The following SPTBN1 variants were observed in gnomAD, a reference collection of about 807,000 sequenced individuals.
The protein encoded by SPTBN1 is spectrin beta chain, non-erythrocytic 1.
A neutral mutation model predicts 266.4 loss-of-function variants in SPTBN1; 32 were observed. The observed-to-expected ratio is 0.12, with a 90% CI of 0.09 to 0.16. SPTBN1 has a LOEUF of 0.16. SPTBN1 is among the 10% of genes least tolerant of loss of function. The pLI, the probability that SPTBN1 is intolerant of heterozygous loss-of-function variation, is 1.00. For missense variants in SPTBN1, 2,296 were observed against 3,067.1 expected (o/e 0.75, Z 5.94); for synonymous variants, 1,336 against 1,162.2 (o/e 1.15, Z -3.04).
intron 2 of SPTBN1, among the ~76,000 whole-genome samples, chr2:54,564,295 A>G (rs1156294766): frequency 6.6e-6 from 1 of 152,182 alleles, no homozygotes; most frequent in East Asian, 1.9e-4. Context: ...TTCTTAGGAG[A>G]GTCAGCCTAA....
Position 54,664,545 on chromosome 2 carries a change from C to G in SPTBN1, c.6513C>G (p.Thr2171=). ...SKESSPIPSP[T]SDRKAKTALP... ...AGTCCAGCCCCATCCCCTCCCCGAC[C>G]TCTGATCGTAAAGCCAAGACTGCCC... Residue 2171 remains threonine, a synonymous_variant, in exon 33 of 36, where the codon ACC becomes ACG. Transcript: ENST00000356805. This position sits in a 1 kb window ranked among gnomAD's most constrained non-coding sequence, Gnocchi z 5.6. 1.6e-5 allele frequency: 26 copies of G among 1,614,184 alleles called. No individual in the cohort carries two copies. The highest frequency in any genetic ancestry group is 2.1e-5 in the Non-Finnish European group (25 of 1,180,036).
intron 3 of SPTBN1, among the ~76,000 whole-genome samples, chr2:54,603,003 A>C (rs902011381): frequency 6.6e-6 from 1 of 152,386 alleles, no homozygotes; most frequent in African/African-American, 2.4e-5. Context: ...AACCAGCCAC[A>C]GAACTCCTAC....
chr2:54,616,031 G>C (rs1031546220), intron 4 of SPTBN1, among the ~76,000 whole-genome samples, 176 bp from the exon 5 acceptor site: 3 of 152,214 alleles, frequency 2.0e-5, no homozygotes, highest in Non-Finnish European at 4.4e-5. Flanking sequence ...AGTTTTCGTT[G>C]TGTTTCTGAA....
chr2:54,512,010 C>T (rs974903602), intron 1 of SPTBN1, among the ~76,000 whole-genome samples: 1 of 152,144 alleles, frequency 6.6e-6, no homozygotes, highest in Non-Finnish European at 1.5e-5. Context: ...GTTAGATTCT[C>T]ATAAGGAGCG....
intron 2 of SPTBN1, among the ~76,000 whole-genome samples, chr2:54,537,870 G>T (rs1231643188): frequency 6.6e-6 from 1 of 152,172 alleles, no homozygotes; most frequent in Non-Finnish European, 1.5e-5. Context: ...TTGGGAGAAA[G>T]GCTGTAATTT....
chr2:54,520,165 T>C (rs1670352462), intron 1 of SPTBN1, among the ~76,000 whole-genome samples: 1 of 152,156 alleles, frequency 6.6e-6, no homozygotes, highest in African/African-American at 2.4e-5. Flanking sequence ...TGTTTCTTCA[T>C]AAAACAAAAA....
chr2:54,559,217 C>A (rs996339456), intron 2 of SPTBN1, among the ~76,000 whole-genome samples: 3 of 152,116 alleles, frequency 2.0e-5, no homozygotes, highest in Non-Finnish European at 4.4e-5. Context: ...GTATTTGATT[C>A]CGGGTCGCCT....
rs750959568 is a variant in SPTBN1, at chr2:54,616,204, T to C, written c.475-3T>C. 1 of 1,613,162 alleles carries C rather than the reference T, an allele frequency of 6.2e-7. No homozygotes were observed. Among genetic ancestry groups the C allele is most frequent in the South Asian group, 1.1e-5 (1 of 90,962 alleles). Reference sequence around the variant, plus strand: ...TTGTCTAATATTTCTTTGTAAATCTTAGATCCAGGATATCAGTGTGGAAAC... The same window carrying C: ...TTGTCTAATATTTCTTTGTAAATCTCAGATCCAGGATATCAGTGTGGAAAC... On this transcript the variant is annotated splice_polypyrimidine_tract_variant and splice_region_variant and intron_variant, in intron 4 of 35. Coordinates refer to ENST00000356805, the MANE Select transcript of SPTBN1 (RefSeq NM_003128.3).
intron 34 of SPTBN1, 54 bp from the exon 35 acceptor site, chr2:54,667,550 A>C: frequency 6.4e-7 from 1 of 1,561,876 alleles, no homozygotes; most frequent in Non-Finnish European, 8.8e-7. Context: ...GAGTTGGGGG[A>C]TTTTTATTTC....
chr2:54,621,321 G>A lies in SPTBN1; in HGVS notation c.764-79G>A, dbSNP rs555509918. On this transcript the variant is annotated intron_variant, in intron 7 of 35. Transcript: ENST00000356805. The stretch of plus-strand genomic sequence containing the variant: ...CTGAACTGTTCCATGTTGACCAGCA[G>A]TCGTTGCATTTGTTCCTGCTACCTG... 145 of 981,760 alleles carry A rather than the reference G, an allele frequency of 1.5e-4. No homozygotes were observed. The East Asian group carries it at 3.4e-3, about 23-fold the overall frequency. The allele number at this position is 981,760 out of a possible 1,614,324, so 60.8% of individuals were successfully genotyped here. A position where few individuals can be genotyped will look rare whatever the true frequency, so the allele number is the denominator to read the frequency against.
At chr2:54,486,162 C>T (rs1180862043) in intron 1 of SPTBN1, among the ~76,000 whole-genome samples, 7 of 137,676 alleles carry the variant, frequency 5.1e-5, no homozygotes, top group African/African-American at 1.5e-4. Flanking sequence ...TCTGCCCGGC[C>T]GCCCCTGCTG....
In SPTBN1 at chr2:54,623,576, C is replaced by G; in HGVS notation, c.1162C>G (p.Leu388Val). Residue 388 changes from leucine to valine, a missense_variant, in exon 10 of 36, where the codon CTC (leucine) becomes GTC (valine). Leu to Val is a conservative substitution (Grantham distance 32). Around this residue, in one of 12 missense-constraint regions of SPTBN1, gnomAD observed 148 missense variants for 203.8 expected, o/e 0.73. Transcript: ENST00000356805. Reference protein sequence around the residue: ...QKVYMPREGKLISDINKAWER... With the variant: ...QKVYMPREGKVISDINKAWER... ...GGTCTACATGCCCCGGGAGGGGAAGCTCATCTCTGACATCAACAAGGTAAA... is the reference window on the plus strand; with the variant it reads ...GGTCTACATGCCCCGGGAGGGGAAGGTCATCTCTGACATCAACAAGGTAAA... 6.2e-7 allele frequency: 1 copy of G among 1,614,020 alleles called. No individual in the cohort carries two copies. Among genetic ancestry groups the G allele is most frequent in the Non-Finnish European group, 8.5e-7 (1 of 1,179,932 alleles).
At chr2:54,634,163 C>T (rs1306450325) in intron 17 of SPTBN1, among the ~76,000 whole-genome samples, 1 of 152,178 alleles carries the variant, frequency 6.6e-6, no homozygotes, top group Non-Finnish European at 1.5e-5. Context: ...TTCCTGCAGG[C>T]GGGCTTGGCT....
chr2:54,661,182 G>T (rs1681017615), intron 32 of SPTBN1: 1 of 985,284 alleles, frequency 1.0e-6, no homozygotes, highest in Non-Finnish European at 1.2e-6. Flanking sequence ...CTTTTAGGAT[G>T]GTATCTATCA....
At chr2:54,492,513 C>G (rs1375922875) in intron 1 of SPTBN1, among the ~76,000 whole-genome samples, 1 of 152,128 alleles carries the variant, frequency 6.6e-6, no homozygotes, top group Non-Finnish European at 1.5e-5. Flanking sequence ...TTCCTGTGAC[C>G]TCACTGCAGG....
rs777444640 is a variant in SPTBN1 at position 54,664,639 on chromosome 2, T to C, written c.6607T>C (p.Phe2203Leu). The change falls in exon 33 of 36, where the codon TTC (phenylalanine) becomes CTC (leucine). Residue 2203 changes from phenylalanine (F) to leucine (L), a missense_variant. Coordinates refer to ENST00000356805, the MANE Select transcript of SPTBN1 (RefSeq NM_003128.3). The surrounding 1 kb of genome is among the most constrained non-coding windows in gnomAD (Gnocchi z 5.6). The part of the protein sequence containing the change: ...QETPSAQMEG[F>L]LNRKHEWEAH... The stretch of plus-strand genomic sequence containing the variant: ...GACACCTTCGGCCCAGATGGAAGGC[T>C]TCCTCAATCGGAAACACGAGTGGGA... 8 of 1,614,040 alleles carry C rather than the reference T, an allele frequency of 5.0e-6. No individual in the cohort carries two copies. The Admixed American group carries it at 8.3e-5, about 17-fold the overall frequency.
At chr2:54,528,875 G>T (rs1021434507) in intron 2 of SPTBN1, among the ~76,000 whole-genome samples, 1 of 152,104 alleles carries the variant, frequency 6.6e-6, no homozygotes, top group African/African-American at 2.4e-5. Flanking sequence ...ATACTGGATG[G>T]GGGGGCAGGA....
In SPTBN1 at chr2:54,647,181, A is replaced by G; in HGVS notation, c.4917A>G (p.Gln1639=). 2.5e-6 allele frequency: 4 copies of G among 1,614,204 alleles called. No homozygotes were observed. Among genetic ancestry groups the G allele is most frequent in the Non-Finnish European group, 3.4e-6 (4 of 1,180,040 alleles). ...SMLKKHQILE[Q]AVEDYAETVH... is the part of the protein sequence containing the mutation. ...TGAAGAAGCACCAGATCTTAGAACAAGCTGTGGAGGACTATGCAGAGACCG... is the reference window on the plus strand; with the variant it reads ...TGAAGAAGCACCAGATCTTAGAACAGGCTGTGGAGGACTATGCAGAGACCG... The change falls in exon 24 of 36, where the codon CAA becomes CAG. Residue 1639 remains glutamine, a synonymous_variant. Coordinates refer to ENST00000356805, the MANE Select transcript of SPTBN1 (RefSeq NM_003128.3).
At chr2:54,599,013 G>A in intron 2 of SPTBN1, 79 bp from the exon 3 acceptor site, 1 of 1,542,962 alleles carries the variant, frequency 6.5e-7, no homozygotes. Context: ...TCTGGCTGGG[G>A]TCTTGTGGCC....
Sources: allele counts gnomAD v4.1 joint callset (sites outside exome capture counted in the v4.1 genomes callset), GRCh38; gene constraint gnomAD v4.1.1; regional missense constraint gnomAD v4.1.1; non-coding constraint Gnocchi (gnomAD v3.1); transcripts MANE v1.5; gene names NCBI Gene and HGNC (gene_info 2026-07-23, HGNC 2026-07-21).